CTNND2: variants seen among roughly 807,000 people sequenced by gnomAD.
CTNND2 encodes the protein catenin delta-2.
In CTNND2, 22 loss-of-function variants were observed where a neutral mutation model predicts 144.4. The ratio of observed to expected loss-of-function variants is 0.15; its 90% CI spans 0.11 to 0.22. The LOEUF is 0.22. Ranked by LOEUF, CTNND2 falls within the 10% of genes least tolerant of loss-of-function variation. The pLI is 1.00. For missense variants in CTNND2, 1,353 were observed against 1,618.8 expected, an observed-to-expected ratio of 0.84 and a Z score of 2.82; for synonymous variants, 751 against 695.6, an observed-to-expected ratio of 1.08 and a Z score of -1.25.
chr5:11,117,407 T>A, intron 13 of CTNND2, 43 bp downstream of exon 13: 1 of 1,472,246 alleles, frequency 6.8e-7, no homozygotes, highest in Non-Finnish European at 9.5e-7. Context: ...CCCGTGGGAG[T>A]CTTTATTCTC....
chr5:11,149,846 C>A (rs145568839), intron 12 of CTNND2, among the ~76,000 whole-genome samples: 1 of 152,176 alleles, frequency 6.6e-6, no homozygotes, highest in Non-Finnish European at 1.5e-5. Context: ...ACATGCTGAC[C>A]AAGCATGAAA....
intron 13 of CTNND2, among the ~76,000 whole-genome samples, chr5:11,111,456 G>C (rs1752972744): frequency 6.6e-6 from 1 of 152,116 alleles, no homozygotes; most frequent in African/African-American, 2.4e-5. Flanking sequence ...GCTCTGGTGG[G>C]GGGCATATTT....
intron 11 of CTNND2, among the ~76,000 whole-genome samples, chr5:11,160,599 A>G (rs886643376): frequency 6.6e-6 from 1 of 152,254 alleles, no homozygotes; most frequent in Admixed American, 6.5e-5. Flanking sequence ...GACAGTCTAC[A>G]TAAAGAAAAA....
chr5:11,053,507 G>A lies in CTNND2; in HGVS notation c.2788+29189C>T, dbSNP rs544464122. Reference sequence around the variant, plus strand: ...ATGGTTCATTGAGACACCTAGAGACGGCTCTTTTCTGGCGTGCACCATTTA... The same window carrying A: ...ATGGTTCATTGAGACACCTAGAGACAGCTCTTTTCTGGCGTGCACCATTTA... On this transcript the variant is annotated intron_variant, in intron 16 of 21. Transcript: ENST00000304623. Among the ~76,000 whole-genome samples the A allele has an allele frequency of 5.9e-5, 9 of 152,208 alleles. No individual in the cohort carries two copies. In the Middle Eastern group the frequency reaches 0.014, roughly 230 times the overall value.
At chr5:11,160,740 C>T (rs1758692585) in intron 11 of CTNND2, among the ~76,000 whole-genome samples, 1 of 152,118 alleles carries the variant, frequency 6.6e-6, no homozygotes, top group Non-Finnish European at 1.5e-5. Flanking sequence ...GAACTTGTAG[C>T]TTATGTTTTT....
chr5:11,792,306 C>T lies in CTNND2; in HGVS notation c.38-60034G>A, dbSNP rs1581892324. On this transcript the variant is annotated intron_variant, in intron 1 of 21. Coordinates refer to ENST00000304623, the MANE Select transcript of CTNND2 (RefSeq NM_001332.4). ...CAATTTTCTTTAAAATACACACACA[C>T]ACATATATATTTTAAAAACTGTCTA... 1.3e-5 allele frequency among the ~76,000 whole-genome samples: 2 copies of T among 152,058 alleles called. 1 individual carries two copies.
intron 1 of CTNND2, among the ~76,000 whole-genome samples, chr5:11,813,074 C>T (rs904006218): frequency 2.8e-4 from 43 of 152,064 alleles, no homozygotes; most frequent in Non-Finnish European, 5.3e-4. Flanking sequence ...AATGATGGAC[C>T]GCATATATCA....
chr5:11,443,238 G>GA (rs1764451258), intron 3 of CTNND2, among the ~76,000 whole-genome samples: 9 of 64,428 alleles, frequency 1.4e-4, no homozygotes, highest in African/African-American at 6.3e-4. Context: ...TGTGTGTGAT[G>GA]TGTGTGTGTG....
At chr5:11,666,352 A>G (rs1388070345) in intron 2 of CTNND2, among the ~76,000 whole-genome samples, 3 of 152,218 alleles carry the variant, frequency 2.0e-5, no homozygotes, top group Non-Finnish European at 4.4e-5. Flanking sequence ...ACCAAACCTT[A>G]GAAGTCCAGA....
At chr5:11,588,121 G>C (rs1778994114) in intron 2 of CTNND2, among the ~76,000 whole-genome samples, 1 of 152,012 alleles carries the variant, frequency 6.6e-6, no homozygotes, top group Admixed American at 6.6e-5. Context: ...TTGTATTCTA[G>C]TTCTAGTATA....
intron 2 of CTNND2, among the ~76,000 whole-genome samples, chr5:11,685,021 C>G (rs1030863013): frequency 1.3e-5 from 2 of 152,210 alleles, no homozygotes; most frequent in African/African-American, 4.8e-5. Context: ...TAACCTTCAT[C>G]TTATTCATAG....
At chr5:11,796,580 T>C (rs775876435) in intron 1 of CTNND2, among the ~76,000 whole-genome samples, 18 of 140,234 alleles carry the variant, frequency 1.3e-4, no homozygotes, top group Non-Finnish European at 2.3e-4. Flanking sequence ...TTACTTCTTA[T>C]AGCTTTCCTT....
chr5:11,432,349 G>A (rs1375290248), intron 3 of CTNND2, among the ~76,000 whole-genome samples: 2 of 151,948 alleles, frequency 1.3e-5, no homozygotes, highest in African/African-American at 2.4e-5. Context: ...AATGTGGTTT[G>A]AGCCAGATTT....
At chr5:11,514,570 A>C (rs1457311696) in intron 3 of CTNND2, among the ~76,000 whole-genome samples, 1 of 152,172 alleles carries the variant, frequency 6.6e-6, no homozygotes, top group Non-Finnish European at 1.5e-5. Flanking sequence ...TGTGTCCTTT[A>C]AGCTGTCCAA....
intron 3 of CTNND2, among the ~76,000 whole-genome samples, chr5:11,413,229 G>T (rs1430453430): frequency 6.6e-6 from 1 of 152,118 alleles, no homozygotes; most frequent in East Asian, 1.9e-4. Context: ...ACAAAAAGAT[G>T]TGACATTATA....
At chr5:11,499,425 T>A (rs1369594905) in intron 3 of CTNND2, among the ~76,000 whole-genome samples, 2 of 152,226 alleles carry the variant, frequency 1.3e-5, no homozygotes, top group Non-Finnish European at 2.9e-5. Context: ...TGCCAACTTG[T>A]TTCTGGTTTA....
chr5:11,028,084 GTTCC>G (rs1342561704), intron 16 of CTNND2, among the ~76,000 whole-genome samples: 3 of 152,212 alleles, frequency 2.0e-5, no homozygotes, highest in Non-Finnish European at 2.9e-5. Flanking sequence ...AGTCACTTGA[GTTCC>G]TTCCTACACT....
chr5:11,183,049 C>T (rs949611881), intron 11 of CTNND2, among the ~76,000 whole-genome samples: 2 of 152,180 alleles, frequency 1.3e-5, no homozygotes, highest in African/African-American at 2.4e-5. Context: ...TCTGAGATCA[C>T]CTGATCATTT....
At chr5:10,980,200 T>C (rs1472227993) in intron 21 of CTNND2, among the ~76,000 whole-genome samples, 1 of 151,102 alleles carries the variant, frequency 6.6e-6, no homozygotes, top group Non-Finnish European at 1.5e-5. Flanking sequence ...TTAAACAAAT[T>C]TACAAGAAAA....
Sources: gnomAD v4.1 joint callset for allele counts (sites outside exome capture counted in the v4.1 genomes callset) on GRCh38, gnomAD v4.1.1 for gene constraint, MANE v1.5 for transcripts, NCBI Gene and HGNC (gene_info 2026-07-23, HGNC 2026-07-21) for gene names.